HOMER2: variants seen among roughly 807,000 people sequenced by gnomAD.
The protein encoded by HOMER2 is homer scaffold protein 2.
HOMER2 carries 27 observed loss-of-function variants against 47.0 expected under a neutral mutation model. That is an observed-to-expected ratio of 0.57 (90% CI 0.42 to 0.79). HOMER2 has a LOEUF of 0.79. Ranked by LOEUF, HOMER2 falls within the 30% of genes least tolerant of loss-of-function variation. The pLI, the probability that HOMER2 is intolerant of heterozygous loss-of-function variation, is 0.00. For missense variants in HOMER2, 443 were observed against 435.0 expected, an observed-to-expected ratio of 1.02 and a Z score of -0.16; for synonymous variants, 161 against 163.8, an observed-to-expected ratio of 0.98 and a Z score of 0.13.
Position 82,952,118 on chromosome 15 carries a change from C to A in HOMER2, c.5+413G>T, listed in dbSNP as rs943143892. 2.1e-5 allele frequency: 18 copies of A among 854,936 alleles called. No individual in the cohort carries two copies. In the East Asian group the frequency reaches 2.1e-3, roughly 98 times the overall value. The allele number at this position is 854,936 out of a possible 1,614,324, so 53.0% of individuals were successfully genotyped here. A position where few individuals can be genotyped will look rare whatever the true frequency, so the allele number is the denominator to read the frequency against. On this transcript the variant is annotated intron_variant, in intron 1 of 8. Transcript: ENST00000450735. ...TATTTGATTATTTCCAGGAAAACTT[C>A]GATTTCCATTTTGCTTGTAATAAAT...
In HOMER2 at chr15:82,859,164, G is replaced by C. The variant is rs1322440126; in HGVS notation, c.388-29C>G. ...AGTAGAAGATGGGGTTTCACGCCCA[G>C]ATTCCTGGCCAAAGTGAATTATCTT... On this transcript the variant is annotated intron_variant, in intron 4 of 8. Coordinates refer to ENST00000450735, the MANE Select transcript of HOMER2 (RefSeq NM_004839.4). The C allele has an allele frequency of 2.5e-6, 4 of 1,613,762 alleles. No individual in the cohort carries two copies. The East Asian group carries it at 8.9e-5, about 36-fold the overall frequency.
chr15:82,948,322 C>T (rs1247948940), intron 1 of HOMER2, among the ~76,000 whole-genome samples: 3 of 145,060 alleles, frequency 2.1e-5, no homozygotes, highest in Non-Finnish European at 4.5e-5. Flanking sequence ...ACCCGGGAGG[C>T]GGAGCTTGCA....
intron 1 of HOMER2, among the ~76,000 whole-genome samples, chr15:82,949,390 A>G (rs2151235827): frequency 6.6e-6 from 1 of 152,218 alleles, no homozygotes; most frequent in Non-Finnish European, 1.5e-5. Context: ...AAAAGCAGGA[A>G]ACAGTGGGGC....
In HOMER2 at chr15:82,909,549, ACAGAGCAGGTGACCAAGGATGACTAAGGT is replaced by A. The variant is rs1225966382; in HGVS notation, c.6-16737_6-16709del. Among the ~76,000 whole-genome samples the A allele has an allele frequency of 3.9e-5, 6 of 152,224 alleles. No homozygotes were observed. In the South Asian group the frequency reaches 6.2e-4, roughly 16 times the overall value. On this transcript the variant is annotated intron_variant, in intron 1 of 8. Coordinates refer to ENST00000450735, the MANE Select transcript of HOMER2 (RefSeq NM_004839.4). ...AGCAGGTGACCAAGGATGACTAAGGACAGAGCAGGTGACCAAGGATGACTAAGGTCAGAGCAGGTAATAGAGGCTAGGAG... is the reference window on the plus strand; with the variant it reads ...AGCAGGTGACCAAGGATGACTAAGGACAGAGCAGGTAATAGAGGCTAGGAG...
intron 1 of HOMER2, among the ~76,000 whole-genome samples, chr15:82,929,057 A>C (rs1264262242): frequency 1.3e-5 from 2 of 151,768 alleles, no homozygotes; most frequent in South Asian, 2.1e-4. Context: ...AAGGCCAAAA[A>C]GAGGGTGAGC....
intron 1 of HOMER2, among the ~76,000 whole-genome samples, chr15:82,984,233 C>T (rs994740352): frequency 3.3e-5 from 5 of 151,776 alleles, no homozygotes; most frequent in Non-Finnish European, 2.9e-5. Flanking sequence ...AGGGTTTCAC[C>T]GTGTTAGCCA....
At chr15:82,921,579 C>T (rs2053730145) in intron 1 of HOMER2, among the ~76,000 whole-genome samples, 1 of 152,214 alleles carries the variant, frequency 6.6e-6, no homozygotes, top group Admixed American at 6.5e-5. Context: ...CACTCGTCCC[C>T]CATCCCGCTG....
At chr15:82,879,130 C>CA (rs1397277255) in intron 2 of HOMER2, among the ~76,000 whole-genome samples, 1 of 152,004 alleles carries the variant, frequency 6.6e-6, no homozygotes, top group Admixed American at 6.6e-5. Context: ...TTGGCTCTTT[C>CA]AAAAAAAATT....
intron 1 of HOMER2, among the ~76,000 whole-genome samples, chr15:82,939,750 A>T (rs925778634): frequency 5.9e-5 from 9 of 152,208 alleles, no homozygotes; most frequent in Non-Finnish European, 1.0e-4. Context: ...GTCCTGACTG[A>T]CAGCTTTGGT....
intron 1 of HOMER2, among the ~76,000 whole-genome samples, chr15:82,912,239 T>C (rs2053473631): frequency 6.6e-6 from 1 of 152,170 alleles, no homozygotes; most frequent in African/African-American, 2.4e-5. Context: ...TCATTAGCAA[T>C]CATTCTCCTC....
intron 1 of HOMER2, among the ~76,000 whole-genome samples, chr15:82,921,986 G>C (rs1225896437): frequency 1.3e-5 from 2 of 152,182 alleles, no homozygotes; most frequent in Middle Eastern, 3.2e-3. Flanking sequence ...CACAAGTGCT[G>C]AATCCTCCAT....
At chr15:82,920,165 CT>C (rs2053691718) in intron 1 of HOMER2, among the ~76,000 whole-genome samples, 1 of 152,202 alleles carries the variant, frequency 6.6e-6, no homozygotes, top group South Asian at 2.1e-4. Flanking sequence ...GCCATCAATT[CT>C]TTTTGCCCAC....
At chr15:82,899,571 G>A (rs1004865976) in intron 1 of HOMER2, among the ~76,000 whole-genome samples, 15 of 152,152 alleles carry the variant, frequency 9.9e-5, no homozygotes, top group African/African-American at 2.2e-4. Context: ...ACACAGTAAC[G>A]TTATTCTTAT....
At chr15:82,870,134 T>C (rs1019721224) in intron 3 of HOMER2, among the ~76,000 whole-genome samples, 2 of 152,250 alleles carry the variant, frequency 1.3e-5, no homozygotes, top group African/African-American at 4.8e-5. Context: ...CCTTAGCCAT[T>C]GAAGACCTGA....
chr15:82,929,907 T>A (rs1486878628), intron 1 of HOMER2, among the ~76,000 whole-genome samples: 3 of 151,870 alleles, frequency 2.0e-5, no homozygotes, highest in Admixed American at 1.3e-4. Context: ...ATTTTGTATT[T>A]TTAGTAGAGA....
chr15:82,837,679 C>T (rs975652578), exon 2 of HOMER2: 3 of 152,114 alleles, frequency 2.0e-5, no homozygotes, highest in African/African-American at 7.2e-5. Context: ...TGGCCTCTGT[C>T]GTCGGCTGCC....
At chr15:82,860,219 A>G (rs1231287790) in intron 4 of HOMER2, among the ~76,000 whole-genome samples, 1 of 152,130 alleles carries the variant, frequency 6.6e-6, no homozygotes, top group Non-Finnish European at 1.5e-5. Context: ...CTGGGCAACA[A>G]GAGGGAAACT....
rs11631247 is a variant in HOMER2, at chr15:82,898,751, C to T, written c.6-5910G>A. Among the ~76,000 whole-genome samples, 266 of 152,298 alleles carry T rather than the reference C, an allele frequency of 1.7e-3. 1 individual carries two copies. Among genetic ancestry groups the T allele is most frequent in the South Asian group, 2.1e-3 (10 of 4,824 alleles). On this transcript the variant is annotated intron_variant, in intron 1 of 8. Transcript: ENST00000450735. ...GAAATAATTCTGCAAAGAATTAGCA[C>T]GACTACTTTTGCAAAGAAACAAGAG...
chr15:82,926,153 T>A (rs1307619180), intron 1 of HOMER2: 1 of 152,286 alleles, frequency 6.6e-6, no homozygotes, highest in African/African-American at 2.4e-5. Flanking sequence ...CGGGCTGCTA[T>A]CACAAAATAC....
Sources: allele counts gnomAD v4.1 joint callset (sites outside exome capture counted in the v4.1 genomes callset), GRCh38; gene constraint gnomAD v4.1.1; transcripts MANE v1.5; gene names NCBI Gene and HGNC (gene_info 2026-07-23, HGNC 2026-07-21).